The following AMH variants were observed in gnomAD, a reference collection of about 807,000 sequenced individuals.
The protein encoded by AMH is anti-Mullerian hormone, also known as anti-Muellerian hormone.
In AMH, 39 loss-of-function variants were observed where a neutral mutation model predicts 33.3. That is an observed-to-expected ratio of 1.17 (90% confidence interval 0.91 to 1.53). AMH has a LOEUF of 1.53. AMH is among the 40% of genes most tolerant of loss of function. The pLI, the probability that AMH is intolerant of heterozygous loss-of-function variation, is 0.00. For missense variants in AMH, 1,019 were observed against 799.8 expected (o/e 1.27, Z -3.30); for synonymous variants, 536 against 403.0 (o/e 1.33, Z -3.95).
Position 2,249,360 on chromosome 19 carries a change from G to C in AMH, c.28G>C (p.Ala10Pro). The C allele has an allele frequency of 6.3e-7, 1 of 1,580,510 alleles. No individual in the cohort carries two copies. The highest frequency in any genetic ancestry group is 8.6e-7 in the Non-Finnish European group (1 of 1,164,632). ...GCGGGACCTGCCTCTCACCAGCCTG[G>C]CCCTAGTGCTGTCTGCCCTGGGGGC... MRDLPLTSLALVLSALGALL... is the reference protein window; with the variant it reads MRDLPLTSLPLVLSALGALL... The change falls in exon 1 of 5, where the codon GCC becomes CCC. Residue 10 changes from alanine to proline, a missense_variant. Physicochemically the swap from Ala to Pro is conservative, Grantham distance 27 (BLOSUM62 -1). Transcript: ENST00000221496.
At position 2,251,643 on chromosome 19, in the gene AMH, G is replaced by T. The variant is rs767827783; in HGVS notation, c.1369G>T (p.Ala457Ser). 49 of 1,592,332 alleles carry T rather than the reference G, an allele frequency of 3.1e-5. No individual in the cohort carries two copies. The highest frequency in any genetic ancestry group is 3.8e-5 in the Non-Finnish European group (45 of 1,172,320). Reference sequence around the variant, plus strand: ...GGCACAGCGCAGCGCGGGGGCCACCGCCGCCGACGGGCCGTGCGCGCTGCG... The same window carrying T: ...GGCACAGCGCAGCGCGGGGGCCACCTCCGCCGACGGGCCGTGCGCGCTGCG... ...GRAQRSAGAT[A>S]ADGPCALREL... The change falls in exon 5 of 5, where the codon GCC becomes TCC. Residue 457 changes from alanine to serine, a missense_variant. Ala to Ser is a moderately conservative substitution (Grantham distance 99). Transcript: ENST00000221496.
In AMH at chr19:2,251,502, C is replaced by T. The variant is rs1399597471; in HGVS notation, c.1228C>T (p.Leu410Phe). 4.4e-6 allele frequency: 6 copies of T among 1,373,954 alleles called. No homozygotes were observed. The highest frequency in any genetic ancestry group is 1.5e-5 in the African/African-American group (1 of 65,332). The allele number at this position is 1,373,954 out of a possible 1,614,324, so 85.1% of individuals were successfully genotyped here. Residue 410 changes from leucine (L) to phenylalanine (F), a missense_variant, in exon 5 of 5, where the codon CTC (leucine) becomes TTC (phenylalanine). Transcript: ENST00000221496. ...TAPLLARLLA[L>F]CPGGPGGLGD... ...CCCGCTGCTGGCGCGCCTGCTCGCG[C>T]TCTGCCCAGGTGGCCCCGGCGGCCT...
At position 2,250,401 on chromosome 19, in the gene AMH, A is replaced by G; in HGVS notation, c.477A>G (p.Pro159=). The change falls in exon 2 of 5, where the codon CCA becomes CCG. Residue 159 remains proline, a synonymous_variant. Transcript: ENST00000221496. ...QEPPPGGAGP[P]ELALLVLYPG... The stretch of plus-strand genomic sequence containing the variant: ...CCCCGCCTGGAGGAGCTGGCCCCCC[A>G]GAGCTGGCGCTGCTGGTGCTGTACC... The G allele has an allele frequency of 1.9e-6, 3 of 1,579,930 alleles. 1 individual carries two copies. In the South Asian group the frequency reaches 3.5e-5, roughly 18 times the overall value.
intron 3 of AMH, 21 bp from the exon 4 acceptor site, chr19:2,250,828 C>T (rs967044259): frequency 3.9e-6 from 6 of 1,549,776 alleles, no homozygotes; most frequent in Admixed American, 1.9e-5. Context: ...CCTGAGCCAG[C>T]CGCGTGCCCA....
Position 2,251,780 on chromosome 19 carries a change from C to A in AMH, c.1506C>A (p.Arg502=), listed in dbSNP as rs932657870. ...CGWPQSDRNP[R]YGNHVVLLLK... is the part of the protein sequence containing the mutation. ...GGCCTCAGTCCGACCGCAACCCGCG[C>A]TACGGCAACCACGTGGTGCTGCTGC... The change falls in exon 5 of 5, where the codon CGC becomes CGA. Residue 502 remains arginine (R), a synonymous_variant. Coordinates refer to ENST00000221496, the MANE Select transcript of AMH (RefSeq NM_000479.5). 9 of 1,610,460 alleles carry A rather than the reference C, an allele frequency of 5.6e-6. No homozygotes were observed. The African/African-American group carries it at 1.2e-4, about 22-fold the overall frequency.
Position 2,250,490 on chromosome 19 carries a change from G to T in AMH, c.555+11G>T, listed in dbSNP as rs567844561. ...CTGCCGGGTGCCCAGGTACCAGGGAGTTGCATGGGGCAGTGCCCGGGCCGT... is the reference window on the plus strand; with the variant it reads ...CTGCCGGGTGCCCAGGTACCAGGGATTTGCATGGGGCAGTGCCCGGGCCGT... On this transcript the variant is annotated intron_variant, in intron 2 of 4. Transcript: ENST00000221496. 9.7e-6 allele frequency: 15 copies of T among 1,547,210 alleles called. No individual in the cohort carries two copies. In the South Asian group the frequency reaches 1.5e-4, roughly 16 times the overall value.
At position 2,249,554 on chromosome 19, in the gene AMH, G is replaced by T; in HGVS notation, c.222G>T (p.Gly74=). ...NGSSSPLRVV[G]ALSAYEQAFL... ...GCAGCTCCCCCCTGCGGGTGGTGGGGGCTCTAAGCGCCTATGAGCAGGCCT... is the reference window on the plus strand; with the variant it reads ...GCAGCTCCCCCCTGCGGGTGGTGGGTGCTCTAAGCGCCTATGAGCAGGCCT... Residue 74 remains glycine, a synonymous_variant, in exon 1 of 5, where the codon GGG becomes GGT. Coordinates refer to ENST00000221496, the MANE Select transcript of AMH (RefSeq NM_000479.5). 1.3e-6 allele frequency: 2 copies of T among 1,586,462 alleles called. No individual in the cohort carries two copies. The highest frequency in any genetic ancestry group is 2.7e-5 in the African/African-American group (2 of 74,516).
At chr19:2,249,800 G>A (rs1160570510) in intron 1 of AMH, 56 bp downstream of exon 1, 1 of 1,444,180 alleles carries the variant, frequency 6.9e-7, no homozygotes, top group African/African-American at 1.4e-5. Context: ...GGTGGGCCGG[G>A]TCCTCCTAGG....
Position 2,251,894 on chromosome 19 carries a change from G to T in AMH, c.1620G>T (p.Ser540=). The change falls in exon 5 of 5, where the codon TCG becomes TCT. Residue 540 remains serine (S), a synonymous_variant. Transcript: ENST00000221496. ...AYAGKLLISL[S]EERISAHHVP... is the part of the protein sequence containing the mutation. ...CGGGCAAGCTGCTCATCAGCCTGTC[G>T]GAGGAGCGCATCAGCGCGCACCACG... 6.3e-7 allele frequency: 1 copy of T among 1,575,244 alleles called. No individual in the cohort carries two copies. The highest frequency in any genetic ancestry group is 1.1e-5 in the South Asian group (1 of 88,160).
At position 2,252,061 on chromosome 19, in the gene AMH, G is replaced by T. The variant is rs557878429; in HGVS notation, c.*104G>T. On this transcript the variant is annotated 3_prime_UTR_variant, in exon 5 of 5. Transcript: ENST00000221496. Reference sequence around the variant, plus strand: ...CCAAGCATCGCCCCAATAAAGACCAGCAAGCAACCGGCTGGGGTGTCCGTG... The same window carrying T: ...CCAAGCATCGCCCCAATAAAGACCATCAAGCAACCGGCTGGGGTGTCCGTG... 2.0e-6 allele frequency: 3 copies of T among 1,475,452 alleles called. No individual in the cohort carries two copies. Among genetic ancestry groups the T allele is most frequent in the South Asian group, 1.2e-5 (1 of 80,674 alleles). 91.4% of individuals were successfully genotyped at this position (1,475,452 alleles called of 1,614,324 possible). A position where few individuals can be genotyped will look rare whatever the true frequency, so the allele number is the denominator to read the frequency against.
In AMH at chr19:2,250,484, C is replaced by CA. The variant is rs761857057; in HGVS notation, c.555+6dup. 90 of 1,547,400 alleles carry CA rather than the reference C, an allele frequency of 5.8e-5. No individual in the cohort carries two copies. Among genetic ancestry groups the CA allele is most frequent in the Non-Finnish European group, 6.5e-5 (74 of 1,146,984 alleles). ...GCTGGGCTGCCGGGTGCCCAGGTACCAGGGAGTTGCATGGGGCAGTGCCCG... is the reference window on the plus strand; with the variant it reads ...GCTGGGCTGCCGGGTGCCCAGGTACCAAGGGAGTTGCATGGGGCAGTGCCCG... On this transcript the variant is annotated splice_donor_region_variant and intron_variant, in intron 2 of 4. Coordinates refer to ENST00000221496, the MANE Select transcript of AMH (RefSeq NM_000479.5).
intron 1 of AMH, chr19:2,250,110 C>A: frequency 1.4e-6 from 1 of 715,510 alleles, no homozygotes; most frequent in Non-Finnish European, 2.3e-6. Context: ...TCGGGCACCC[C>A]AACCCAGAGA....
At chr19:2,250,291 G>C (rs1472798817) in intron 1 of AMH, 46 bp from the exon 2 acceptor site, 1 of 1,563,114 alleles carries the variant, frequency 6.4e-7, no homozygotes, top group Middle Eastern at 2.0e-4. Flanking sequence ...TTCCCGGGGG[G>C]TGTGGCCTTC....
rs2025003023 is a variant in AMH at position 2,250,141 on chromosome 19, CCACAGCCTCAGA to C, written c.413-194_413-183del. On this transcript the variant is annotated intron_variant, in intron 1 of 4. Transcript: ENST00000221496. ...AGAGACCCCAGGGCGGCAGCCCCAC[CCACAGCCTCAGA>C]CGCAGCCCCTGCCTGCCCCTGCCGT... 4 of 912,170 alleles carry C rather than the reference CCACAGCCTCAGA, an allele frequency of 4.4e-6. No homozygotes were observed. In the South Asian group the frequency reaches 6.3e-5, roughly 14 times the overall value. 56.5% of individuals were successfully genotyped at this position (912,170 alleles called of 1,614,324 possible). A position where few individuals can be genotyped will look rare whatever the true frequency, so the allele number is the denominator to read the frequency against.
Position 2,249,428 on chromosome 19 carries a change from G to C in AMH, c.96G>C (p.Val32=). ...CCCTCAGAGCAGAGGAGCCAGCTGT[G>C]GGCACCAGTGGCCTCATCTTCCGAG... The part of the protein sequence containing the change: ...TEALRAEEPA[V]GTSGLIFRED... Residue 32 remains valine (V), a synonymous_variant, in exon 1 of 5, where the codon GTG becomes GTC. Transcript: ENST00000221496. The C allele has an allele frequency of 6.3e-7, 1 of 1,599,794 alleles. No homozygotes were observed. Among genetic ancestry groups the C allele is most frequent in the Non-Finnish European group, 8.5e-7 (1 of 1,174,010 alleles).
chr19:2,251,942 G>C lies in AMH; in HGVS notation c.1668G>C (p.Glu556Asp), dbSNP rs1238699454. The C allele has an allele frequency of 1.3e-6, 2 of 1,549,224 alleles. No homozygotes were observed. The highest frequency in any genetic ancestry group is 1.4e-5 in the African/African-American group (1 of 73,488). The part of the protein sequence containing the change: ...AHHVPNMVAT[E>D]CGCR ...ACGTGCCCAACATGGTGGCCACCGAGTGTGGCTGCCGGTGACCCCTGCGCC... is the reference window on the plus strand; with the variant it reads ...ACGTGCCCAACATGGTGGCCACCGACTGTGGCTGCCGGTGACCCCTGCGCC... The change falls in exon 5 of 5, where the codon GAG becomes GAC. Residue 556 changes from glutamate to aspartate, a missense_variant. By Grantham distance (45) the Glu-to-Asp change is conservative (BLOSUM62 2). Coordinates refer to ENST00000221496, the MANE Select transcript of AMH (RefSeq NM_000479.5).
Position 2,251,455 on chromosome 19 carries a change from C to T in AMH, c.1181C>T (p.Pro394Leu). 1 of 1,431,994 alleles carries T rather than the reference C, an allele frequency of 7.0e-7. No homozygotes were observed. The highest frequency in any genetic ancestry group is 9.1e-7 in the Non-Finnish European group (1 of 1,097,708). 88.7% of individuals were successfully genotyped at this position (1,431,994 alleles called of 1,614,324 possible). The stretch of plus-strand genomic sequence containing the variant: ...GCGGCTGCCGAGCTGCGAAGCCTCC[C>T]GGGTCTGCCTCCGGCCACAGCCCCG... Reference protein sequence around the residue: ...QAAAAELRSLPGLPPATAPLL... With the variant: ...QAAAAELRSLLGLPPATAPLL... The change falls in exon 5 of 5, where the codon CCG becomes CTG. Residue 394 changes from proline (P) to leucine (L), a missense_variant. By Grantham distance (98) the Pro-to-Leu change is moderately conservative. Transcript: ENST00000221496.
chr19:2,251,407 G>T lies in AMH; in HGVS notation c.1133G>T (p.Arg378Leu). The change falls in exon 5 of 5, where the codon CGC (arginine) becomes CTC (leucine). Residue 378 changes from arginine to leucine, a missense_variant. Coordinates refer to ENST00000221496, the MANE Select transcript of AMH (RefSeq NM_000479.5). ...SAPWATALAR[R>L]VAAELQAAAA... ...CCGTGGGCCACGGCCCTGGCGCGCCGCGTGGCTGCTGAACTGCAAGCGGCG... is the reference window on the plus strand; with the variant it reads ...CCGTGGGCCACGGCCCTGGCGCGCCTCGTGGCTGCTGAACTGCAAGCGGCG... 1 of 1,448,616 alleles carries T rather than the reference G, an allele frequency of 6.9e-7. No homozygotes were observed. Among genetic ancestry groups the T allele is most frequent in the Non-Finnish European group, 9.0e-7 (1 of 1,107,228 alleles). 89.7% of individuals were successfully genotyped at this position (1,448,616 alleles called of 1,614,324 possible).
chr19:2,249,371 G>A lies in AMH; in HGVS notation c.39G>A (p.Leu13=). ...DLPLTSLALV[L]SALGALLGTE... is the part of the protein sequence containing the mutation. ...CTCTCACCAGCCTGGCCCTAGTGCT[G>A]TCTGCCCTGGGGGCTCTGCTGGGGA... Residue 13 remains leucine (L), a synonymous_variant, in exon 1 of 5, where the codon CTG becomes CTA. Transcript: ENST00000221496. 1.9e-6 allele frequency: 3 copies of A among 1,584,182 alleles called. No individual in the cohort carries two copies. Among genetic ancestry groups the A allele is most frequent in the Non-Finnish European group, 2.6e-6 (3 of 1,166,338 alleles).
Sources: allele counts gnomAD v4.1 joint callset, GRCh38; gene constraint gnomAD v4.1.1; transcripts MANE v1.5; gene names NCBI Gene and HGNC (gene_info 2026-07-23, HGNC 2026-07-21).